SPAG16: variants seen among roughly 807,000 people sequenced by gnomAD.
SPAG16 encodes the protein sperm-associated antigen 16 protein.
SPAG16 carries 86 observed loss-of-function variants against 80.4 expected under a neutral mutation model. The ratio of observed to expected loss-of-function variants is 1.07; its 90% CI spans 0.90 to 1.28. SPAG16 has a LOEUF of 1.28. Ranked by LOEUF, SPAG16 falls within the 50% of genes most tolerant of loss-of-function variation. The probability of loss-of-function intolerance (pLI) is 0.00; values close to 1 mark genes in which losing one functional copy is unlikely to be tolerated. For synonymous variants in SPAG16, 294 were observed against 265.9 expected (o/e 1.11, Z -1.03); for missense variants, 870 against 765.3 (o/e 1.14, Z -1.61).
intron 15 of SPAG16, among the ~76,000 whole-genome samples, chr2:214,254,033 G>T (rs559903423): frequency 6.6e-6 from 1 of 152,166 alleles, no homozygotes; most frequent in Admixed American, 6.5e-5. Flanking sequence ...CTTGTAAGAC[G>T]TATTCCTAGG....
chr2:213,342,190 A>G (rs1206967753), intron 6 of SPAG16, among the ~76,000 whole-genome samples: 6 of 151,624 alleles, frequency 4.0e-5, no homozygotes, highest in Non-Finnish European at 7.4e-5. Context: ...TTTTGTGTAT[A>G]CAATTCTATA....
intron 10 of SPAG16, among the ~76,000 whole-genome samples, chr2:213,639,089 C>G (rs983738856): frequency 1.3e-5 from 2 of 152,130 alleles, no homozygotes; most frequent in African/African-American, 4.8e-5. Flanking sequence ...CCATTGCATA[C>G]AATATCTTTC....
chr2:214,016,661 G>C (rs1194083608), intron 13 of SPAG16, among the ~76,000 whole-genome samples: 1 of 152,176 alleles, frequency 6.6e-6, no homozygotes, highest in Non-Finnish European at 1.5e-5. Flanking sequence ...AGATCGGGGA[G>C]ATGAAATGAA....
At chr2:214,173,881 T>C (rs2056973866) in intron 15 of SPAG16, among the ~76,000 whole-genome samples, 1 of 151,948 alleles carries the variant, frequency 6.6e-6, no homozygotes, top group South Asian at 2.1e-4. Flanking sequence ...TCCACCATGA[T>C]CAAGTGGGCT....
Position 214,108,214 on chromosome 2 carries a change from C to G in SPAG16, c.1546C>G (p.Leu516Val). The change falls in exon 14 of 16, where the codon CTT becomes GTT. Residue 516 changes from leucine (L) to valine (V), a missense_variant. Physicochemically the swap from Leu to Val is conservative, Grantham distance 32. Transcript: ENST00000331683. ...TTCCTAGGGTATATGTGAGCAGTCA[C>G]TTTATGGTCACATGCATTCTATCAA... ...DARTGICEQS[L>V]YGHMHSINDA... The G allele has an allele frequency of 6.3e-7, 1 of 1,599,138 alleles. No homozygotes were observed. The highest frequency in any genetic ancestry group is 8.6e-7 in the Non-Finnish European group (1 of 1,169,154).
At chr2:214,176,051 G>A (rs1482547256) in intron 15 of SPAG16, among the ~76,000 whole-genome samples, 1 of 151,328 alleles carries the variant, frequency 6.6e-6, no homozygotes, top group Non-Finnish European at 1.5e-5. Flanking sequence ...TTGCCAAGGA[G>A]CTATTATAAT....
chr2:213,524,033 C>T (rs962659577), intron 10 of SPAG16, among the ~76,000 whole-genome samples: 7 of 152,142 alleles, frequency 4.6e-5, no homozygotes, highest in African/African-American at 1.7e-4. Flanking sequence ...TCTTAGCAGC[C>T]CCTCTCATCT....
intron 12 of SPAG16, among the ~76,000 whole-genome samples, chr2:213,949,179 T>TTTTTTTTTTGTTTTTTTTTTGTTTTG (rs1553677667): frequency 9.4e-4 from 34 of 36,242 alleles, no homozygotes; most frequent in Middle Eastern, 0.023. Flanking sequence ...GTTTTTTTTT[T>TTTTTTTTTTGTTTTTTTTTTGTTTTG]TTTTTTTTTT....
At chr2:214,336,266 C>T (rs1282648540) in intron 15 of SPAG16, among the ~76,000 whole-genome samples, 1 of 152,048 alleles carries the variant, frequency 6.6e-6, no homozygotes, top group African/African-American at 2.4e-5. Context: ...AAAGAAGATT[C>T]TATATTTATT....
chr2:213,553,469 C>A (rs991319212), intron 10 of SPAG16, among the ~76,000 whole-genome samples: 1 of 152,166 alleles, frequency 6.6e-6, no homozygotes, highest in African/African-American at 2.4e-5. Flanking sequence ...ACACAGGCAT[C>A]TCTTGCCACT....
chr2:213,955,718 G>A (rs893199615), intron 12 of SPAG16, among the ~76,000 whole-genome samples: 2 of 151,844 alleles, frequency 1.3e-5, no homozygotes, highest in Non-Finnish European at 2.9e-5. Flanking sequence ...GATTAATTAT[G>A]GTAGGTTTTG....
chr2:213,406,892 C>A (rs997745636), intron 9 of SPAG16, among the ~76,000 whole-genome samples: 11 of 150,148 alleles, frequency 7.3e-5, no homozygotes, highest in Admixed American at 6.6e-4. Context: ...AATCAAGACC[C>A]ACCCCAGTGC....
At chr2:214,115,758 G>T (rs1291279238) in intron 14 of SPAG16, among the ~76,000 whole-genome samples, 1 of 151,414 alleles carries the variant, frequency 6.6e-6, no homozygotes, top group Non-Finnish European at 1.5e-5. Context: ...TGTGCCGGTA[G>T]TCCCAGCTAC....
intron 9 of SPAG16, among the ~76,000 whole-genome samples, chr2:213,427,364 T>C (rs1230972389): frequency 6.6e-6 from 1 of 152,220 alleles, no homozygotes; most frequent in Non-Finnish European, 1.5e-5. Flanking sequence ...ATGAGTAAGC[T>C]GAATCCTTAG....
intron 10 of SPAG16, among the ~76,000 whole-genome samples, chr2:213,658,797 A>G (rs569485743): frequency 1.3e-5 from 2 of 152,272 alleles, no homozygotes; most frequent in East Asian, 3.9e-4. Flanking sequence ...CCAGCACTTT[A>G]GGAGGCCAAG....
intron 6 of SPAG16, among the ~76,000 whole-genome samples, chr2:213,340,676 G>A (rs562013531): frequency 2.0e-4 from 30 of 152,148 alleles, no homozygotes; most frequent in East Asian, 7.7e-4. Context: ...AACATGTTAC[G>A]TTCATCAAAT....
intron 9 of SPAG16, among the ~76,000 whole-genome samples, chr2:213,398,340 C>CT (rs1418375802): frequency 6.6e-6 from 1 of 152,068 alleles, no homozygotes; most frequent in African/African-American, 2.4e-5. Flanking sequence ...TTCCAGTAAC[C>CT]TCCCATCTTA....
intron 4 of SPAG16, among the ~76,000 whole-genome samples, chr2:213,316,813 A>G (rs2063418285): frequency 6.6e-6 from 1 of 151,954 alleles, no homozygotes; most frequent in South Asian, 2.1e-4. Flanking sequence ...TGCCCACCCT[A>G]TGTAAAATAG....
chr2:214,051,877 C>T (rs2049663880), intron 13 of SPAG16, among the ~76,000 whole-genome samples: 1 of 152,144 alleles, frequency 6.6e-6, no homozygotes, highest in Non-Finnish European at 1.5e-5. Context: ...GGTTTTTATC[C>T]TACATCATTA....
Sources: gnomAD v4.1 joint callset for allele counts (sites outside exome capture counted in the v4.1 genomes callset) on GRCh38, gnomAD v4.1.1 for gene constraint, MANE v1.5 for transcripts, NCBI Gene and HGNC (gene_info 2026-07-23, HGNC 2026-07-21) for gene names.